WARS1: variants seen among roughly 807,000 people sequenced by gnomAD.
WARS1 encodes the protein tryptophan--tRNA ligase, cytoplasmic.
WARS1 carries 17 observed loss-of-function variants against 47.8 expected under a neutral mutation model. The observed-to-expected ratio is 0.36, with a 90% CI of 0.24 to 0.53. The LOEUF (loss-of-function observed/expected upper bound fraction) is 0.53, where lower values mean the gene tolerates loss of function less well. Ranked by LOEUF, WARS1 falls within the 20% of genes least tolerant of loss-of-function variation. The pLI is 0.91. For synonymous variants in WARS1, 208 were observed against 228.1 expected (o/e 0.91, Z 0.79); for missense variants, 434 against 608.0 (o/e 0.71, Z 3.01).
chr14:100,366,979 C>T (rs1201980241), intron 2 of WARS1: 47 of 1,352,066 alleles, frequency 3.5e-5, no homozygotes, highest in Non-Finnish European at 4.7e-5. Flanking sequence ...AAGATTTCTT[C>T]ACTGTAGCCT....
intron 8 of WARS1, 77 bp downstream of exon 8, chr14:100,343,198 C>T: frequency 7.8e-7 from 1 of 1,277,584 alleles, no homozygotes. Context: ...CTTTCAATAC[C>T]TCTCCCCGCT....
At chr14:100,350,819 A>T (rs1363500924) in intron 6 of WARS1, among the ~76,000 whole-genome samples, 1 of 152,168 alleles carries the variant, frequency 6.6e-6, no homozygotes, top group East Asian at 1.9e-4. Flanking sequence ...GCCCAGCCTG[A>T]TGGAGGACCA....
chr14:100,345,437 C>T (rs974869155), intron 7 of WARS1, among the ~76,000 whole-genome samples: 13 of 152,072 alleles, frequency 8.5e-5, no homozygotes, highest in Non-Finnish European at 1.0e-4. Flanking sequence ...GCAAGATGTG[C>T]TTTGTTAAAC....
intron 4 of WARS1, among the ~76,000 whole-genome samples, chr14:100,359,267 C>T (rs997893990): frequency 2.6e-5 from 4 of 152,128 alleles, no homozygotes; most frequent in African/African-American, 9.7e-5. Context: ...ATAACTCAAA[C>T]GTCCATCAAC....
At chr14:100,356,451 TAAG>T (rs1318358538) in intron 4 of WARS1, among the ~76,000 whole-genome samples, 1 of 148,906 alleles carries the variant, frequency 6.7e-6, no homozygotes, top group Non-Finnish European at 1.5e-5. Flanking sequence ...ATCAGGAATA[TAAG>T]AAGGGGTATT....
rs5810992 is a variant in WARS1, at chr14:100,342,156, G to GAA, written c.1113+240_1113+241dup. On this transcript the variant is annotated intron_variant, in intron 9 of 10. Transcript: ENST00000392882. ...TAAGAAAAGCAGAAAAGGAAAAAAA[G>GAA]AAAAAAAATTCAAAATTTTACCTAA... is the stretch of plus-strand genomic sequence containing the variant. 7.3e-4 allele frequency: 374 copies of GAA among 513,644 alleles called. 1 individual carries two copies. Among genetic ancestry groups the GAA allele is most frequent in the Non-Finnish European group, 8.4e-4 (235 of 280,940 alleles). 31.8% of individuals were successfully genotyped at this position (513,644 alleles called of 1,614,324 possible).
At chr14:100,361,224 T>C (rs546659834) in intron 3 of WARS1, among the ~76,000 whole-genome samples, 2 of 152,348 alleles carry the variant, frequency 1.3e-5, no homozygotes, top group African/African-American at 4.8e-5. Context: ...AAGACTTCAA[T>C]GGAATGGCAA....
chr14:100,343,382 T>C lies in WARS1; in HGVS notation c.832A>G (p.Ile278Val). The C allele has an allele frequency of 6.2e-7, 1 of 1,611,754 alleles. No individual in the cohort carries two copies. The highest frequency in any genetic ancestry group is 8.5e-7 in the Non-Finnish European group (1 of 1,178,580). Residue 278 changes from isoleucine (I) to valine (V), a missense_variant, in exon 8 of 11, where the codon ATC (isoleucine) becomes GTC (valine). By Grantham distance (29) the Ile-to-Val change is conservative. This residue lies in a region of WARS1 where 347 missense variants were observed against 523.8 expected (regional missense o/e 0.66). Coordinates refer to ENST00000392882, the MANE Select transcript of WARS1 (RefSeq NM_004184.4). ...GCAGCCTGGATGGCAGGAAAACTGATCTTCCCTGAAAATGAGAAAAAGTAT... is the reference window on the plus strand; with the variant it reads ...GCAGCCTGGATGGCAGGAAAACTGACCTTCCCTGAAAATGAGAAAAAGTAT... ...GFTDSDCIGK[I>V]SFPAIQAAPS... is the part of the protein sequence containing the mutation.
intron 9 of WARS1, among the ~76,000 whole-genome samples, chr14:100,339,247 T>C (rs1438212231): frequency 2.0e-5 from 3 of 152,024 alleles, no homozygotes; most frequent in African/African-American, 7.2e-5. Flanking sequence ...GGCAGGGCAT[T>C]GCTGAGAGGC....
intron 1 of WARS1, among the ~76,000 whole-genome samples, chr14:100,371,629 G>A (rs1896357385): frequency 6.6e-6 from 1 of 152,026 alleles, no homozygotes; most frequent in Non-Finnish European, 1.5e-5. Flanking sequence ...CAGCTACTTG[G>A]GAGGCTGAGG....
At chr14:100,339,609 AG>A (rs1894021862) in intron 9 of WARS1, among the ~76,000 whole-genome samples, 1 of 149,144 alleles carries the variant, frequency 6.7e-6, no homozygotes, top group Non-Finnish European at 1.5e-5. Flanking sequence ...AAAAAAAAAA[AG>A]GAAAAAAAAA....
chr14:100,337,745 C>T (rs990361817), intron 9 of WARS1, among the ~76,000 whole-genome samples: 6 of 150,342 alleles, frequency 4.0e-5, no homozygotes, highest in East Asian at 2.0e-4. Flanking sequence ...GTAGTCCTAG[C>T]GACTCGGGAG....
Position 100,361,709 on chromosome 14 carries a change from A to T in WARS1, c.312T>A (p.Ile104=), listed in dbSNP as rs747714098. 9 of 1,613,970 alleles carry T rather than the reference A, an allele frequency of 5.6e-6. No homozygotes were observed. The highest frequency in any genetic ancestry group is 7.6e-6 in the Non-Finnish European group (9 of 1,179,982). ...CTGGGAAGAAAGCAGAGGACGTACC[A>T]ATGAGCTTATCGTAGTCTATGCCTT... ...SAKGIDYDKL[I]VRFGSSKIDK... The change falls in exon 3 of 11, where the codon ATT becomes ATA. Residue 104 remains isoleucine (I), a splice_region_variant and synonymous_variant. Coordinates refer to ENST00000392882, the MANE Select transcript of WARS1 (RefSeq NM_004184.4).
At chr14:100,369,681 ATT>A (rs796637368) in intron 1 of WARS1, among the ~76,000 whole-genome samples, 4 of 144,132 alleles carry the variant, frequency 2.8e-5, no homozygotes, top group Admixed American at 6.9e-5. Context: ...TTACTATTTG[ATT>A]TTTTTTTTTT....
intron 6 of WARS1, among the ~76,000 whole-genome samples, chr14:100,350,731 A>G (rs1164027775): frequency 1.3e-5 from 2 of 152,162 alleles, no homozygotes; most frequent in Admixed American, 1.3e-4. Context: ...GGCCACAGAG[A>G]GCACAAATTC....
At position 100,342,481 on chromosome 14, in the gene WARS1, G is replaced by A; in HGVS notation, c.1030C>T (p.Gln344Ter). 6.2e-7 allele frequency: 1 copy of A among 1,614,070 alleles called. No homozygotes were observed. Among genetic ancestry groups the A allele is most frequent in the Non-Finnish European group, 8.5e-7 (1 of 1,179,988 alleles). ...GCACTCATTTTGGTCTGGGCGCCCT[G>A]CAGGGCTGGGAAGAAGGTGGAGTGC... is the stretch of plus-strand genomic sequence containing the variant. ...LLHSTFFPAL[Q>*]GAQTKMSASD... Residue 344 changes from glutamine (Q) to a stop codon, truncating the protein, a stop_gained, in exon 9 of 11, where the codon CAG becomes TAG. Coordinates refer to ENST00000392882, the MANE Select transcript of WARS1 (RefSeq NM_004184.4). LOFTEE classifies it high-confidence loss of function.
At chr14:100,354,327 T>C (rs1048314173) in intron 5 of WARS1, 120 bp downstream of exon 5, 26 of 1,446,826 alleles carry the variant, frequency 1.8e-5, no homozygotes, top group Admixed American at 2.3e-5. Flanking sequence ...GTGCCAACTC[T>C]TGACATCTTG....
intron 3 of WARS1, 122 bp downstream of exon 3, chr14:100,361,585 CT>C: frequency 1.1e-6 from 1 of 939,816 alleles, no homozygotes. Context: ...TCCATTTTTT[CT>C]TGGCATTGAA....
At chr14:100,364,642 C>T (rs1895846747) in intron 2 of WARS1, among the ~76,000 whole-genome samples, 1 of 152,172 alleles carries the variant, frequency 6.6e-6, no homozygotes, top group Non-Finnish European at 1.5e-5. Flanking sequence ...GTGTGCCAGC[C>T]AATTGCATTA....
Sources: allele counts gnomAD v4.1 joint callset (sites outside exome capture counted in the v4.1 genomes callset), GRCh38; gene constraint gnomAD v4.1.1; regional missense constraint gnomAD v4.1.1; transcripts MANE v1.5; gene names NCBI Gene and HGNC (gene_info 2026-07-23, HGNC 2026-07-21).